The following NYAP2 variants were observed in gnomAD, a reference collection of about 807,000 sequenced individuals.
NYAP2 encodes the protein neuronal tyrosine-phosphorylated phosphoinositide-3-kinase adaptor 2, also known as neuronal tyrosine-phosphorylated phosphoinositide-3-kinase adapter 2.
A neutral mutation model predicts 50.4 loss-of-function variants in NYAP2; 23 were observed. That is an observed-to-expected ratio of 0.46 (90% CI 0.33 to 0.65). NYAP2 has a LOEUF of 0.65. Ranked by LOEUF, NYAP2 falls within the 30% of genes least tolerant of loss-of-function variation. The pLI, the probability that NYAP2 is intolerant of heterozygous loss-of-function variation, is 0.02. For missense variants in NYAP2, 885 were observed against 861.0 expected, an observed-to-expected ratio of 1.03 and a Z score of -0.35; for synonymous variants, 394 against 365.2, an observed-to-expected ratio of 1.08 and a Z score of -0.90.
At chr2:225,497,059 C>G (rs559063637) in intron 3 of NYAP2, among the ~76,000 whole-genome samples, 1 of 152,132 alleles carries the variant, frequency 6.6e-6, no homozygotes, top group South Asian at 2.1e-4. Flanking sequence ...GACGCTGACA[C>G]CCCTTAGGGC....
At chr2:225,425,556 CTT>C (rs765493687) in intron 3 of NYAP2, among the ~76,000 whole-genome samples, 1 of 152,136 alleles carries the variant, frequency 6.6e-6, no homozygotes, top group African/African-American at 2.4e-5. Context: ...GAATGGGAAA[CTT>C]AATGTGAAGG....
Position 225,518,544 on chromosome 2 carries a change from ATATATATATATATATATATATAT to A in NYAP2, c.523+4873_523+4895del, listed in dbSNP as rs1559202467. Among the ~76,000 whole-genome samples, 16 of 71,020 alleles carry A rather than the reference ATATATATATATATATATATATAT, an allele frequency of 2.3e-4. 1 individual carries two copies. Among genetic ancestry groups the A allele is most frequent in the South Asian group, 6.7e-4 (1 of 1,484 alleles). The allele number at this position is 71,020 out of a possible 152,430, so 46.6% of individuals were successfully genotyped here. A position where few individuals can be genotyped will look rare whatever the true frequency, so the allele number is the denominator to read the frequency against. On this transcript the variant is annotated intron_variant, in intron 4 of 6. Transcript: ENST00000636099. Reference sequence around the variant, plus strand: ...CTAATATATATATATATATATATATATATATATATATATATATATATATATTAGCGTGTGCGCTTATATATATA... The same window carrying A: ...CTAATATATATATATATATATATATAATTAGCGTGTGCGCTTATATATATA...
In NYAP2 at chr2:225,582,238, C is replaced by T. The variant is rs778879189; in HGVS notation, c.821C>T (p.Pro274Leu). 8 of 1,613,922 alleles carry T rather than the reference C, an allele frequency of 5.0e-6. No homozygotes were observed. Among genetic ancestry groups the T allele is most frequent in the Non-Finnish European group, 6.8e-6 (8 of 1,179,912 alleles). Residue 274 changes from proline (P) to leucine (L), a missense_variant, in exon 5 of 7, where the codon CCT becomes CTT. Coordinates refer to ENST00000636099, the Ensembl canonical transcript of NYAP2. This position sits in a 1 kb window ranked among gnomAD's most constrained non-coding sequence, Gnocchi z 7.0. ...GCCGTCTACGAGGAAATGAAGTACC[C>T]TATCTTTGACGACTTGGGCCAAGAC...
intron 4 of NYAP2, among the ~76,000 whole-genome samples, chr2:225,563,570 G>C (rs76209340): frequency 6.6e-6 from 1 of 152,062 alleles, no homozygotes; most frequent in Non-Finnish European, 1.5e-5. Flanking sequence ...GAATGGGTTC[G>C]TGACATGGTC....
At position 225,422,733 on chromosome 2, in the gene NYAP2, C is replaced by T. The variant is rs562799478; in HGVS notation, c.221+13632C>T. Among the ~76,000 whole-genome samples, 3 of 152,136 alleles carry T rather than the reference C, an allele frequency of 2.0e-5. No homozygotes were observed. In the South Asian group the frequency reaches 6.2e-4, roughly 32 times the overall value. On this transcript the variant is annotated intron_variant, in intron 3 of 6. Transcript: ENST00000636099. ...GGGCATCACTGTAGTGTAGAGATATCCTTCAGGTGGAAACTCTCAGGCACG... is the reference window on the plus strand; with the variant it reads ...GGGCATCACTGTAGTGTAGAGATATTCTTCAGGTGGAAACTCTCAGGCACG...
intron 3 of NYAP2, among the ~76,000 whole-genome samples, chr2:225,513,075 T>C (rs1206421377): frequency 6.6e-6 from 1 of 152,180 alleles, no homozygotes; most frequent in Non-Finnish European, 1.5e-5. Flanking sequence ...ATCTGAGTCA[T>C]AGTCATGGAA....
chr2:225,625,211 T>TTGCTA (rs1693189096), intron 5 of NYAP2, among the ~76,000 whole-genome samples: 1 of 152,150 alleles, frequency 6.6e-6, no homozygotes, highest in Non-Finnish European at 1.5e-5. Flanking sequence ...ATTAACATAC[T>TTGCTA]TGCTATCACT....
the NYAP2 span, among the ~76,000 whole-genome samples, chr2:225,694,934 G>C: frequency 1.3e-5 from 2 of 151,368 alleles, no homozygotes; most frequent in African/African-American, 4.8e-5. Context: ...TAAATATTAT[G>C]GAGTAAGTCT....
intron 4 of NYAP2, among the ~76,000 whole-genome samples, chr2:225,542,782 A>C (rs1691499491): frequency 6.6e-6 from 1 of 151,988 alleles, no homozygotes; most frequent in Non-Finnish European, 1.5e-5. Flanking sequence ...GGCCTCATTA[A>C]ATGGTTTTGG....
At chr2:225,527,691 A>G (rs1691177173) in intron 4 of NYAP2, among the ~76,000 whole-genome samples, 1 of 152,044 alleles carries the variant, frequency 6.6e-6, no homozygotes, top group Non-Finnish European at 1.5e-5. Flanking sequence ...TCTGTTGCGC[A>G]GGCTGGGGCA....
At chr2:225,601,153 T>A (rs1401724939) in intron 5 of NYAP2, among the ~76,000 whole-genome samples, 1 of 150,692 alleles carries the variant, frequency 6.6e-6, no homozygotes, top group Non-Finnish European at 1.5e-5. Context: ...AGATGGAGTC[T>A]TGCTGTCCCC....
At chr2:225,643,434 T>G (rs981152188) in intron 6 of NYAP2, among the ~76,000 whole-genome samples, 1 of 152,040 alleles carries the variant, frequency 6.6e-6, no homozygotes, top group Non-Finnish European at 1.5e-5. Context: ...TCCCTTATAA[T>G]CTTTTTTTTT....
the NYAP2 span, among the ~76,000 whole-genome samples, chr2:225,660,854 A>G: frequency 3.3e-5 from 5 of 152,184 alleles, no homozygotes; most frequent in Admixed American, 6.5e-5. Flanking sequence ...TCTAACTTTT[A>G]AATAGTATGC....
chr2:225,637,264 T>C (rs1052799225), intron 6 of NYAP2, among the ~76,000 whole-genome samples: 4 of 152,154 alleles, frequency 2.6e-5, no homozygotes, highest in Non-Finnish European at 4.4e-5. Flanking sequence ...GGAGTATGAG[T>C]TCTCCGTTAT....
Position 225,464,794 on chromosome 2 carries a change from G to A in NYAP2, c.222-48577G>A, listed in dbSNP as rs192582860. On this transcript the variant is annotated intron_variant, in intron 3 of 6. Coordinates refer to ENST00000636099, the Ensembl canonical transcript of NYAP2. ...GAACGTGAGCAATAGGCACAGATGT[G>A]CCCTCATTTTGCAAAGGGAAGAGAC... Among the ~76,000 whole-genome samples the A allele has an allele frequency of 1.5e-4, 23 of 152,300 alleles. 1 individual carries two copies. The highest frequency in any genetic ancestry group is 5.5e-4 in the African/African-American group (23 of 41,564).
rs573058894 is a variant in NYAP2 at position 225,440,549 on chromosome 2, C to T, written c.221+31448C>T. 9.2e-5 allele frequency among the ~76,000 whole-genome samples: 14 copies of T among 152,154 alleles called. No homozygotes were observed. The East Asian group carries it at 2.1e-3, about 23-fold the overall frequency. On this transcript the variant is annotated intron_variant, in intron 3 of 6. Transcript: ENST00000636099. ...AGCCTTCTGAATGTACGGAGGATTT[C>T]GTTAATGTAAAACATGGGTTAGAGA...
intron 3 of NYAP2, among the ~76,000 whole-genome samples, chr2:225,435,414 A>T (rs925898791): frequency 2.6e-5 from 4 of 152,218 alleles, no homozygotes; most frequent in Non-Finnish European, 5.9e-5. Context: ...TTGAGAGTCA[A>T]ATGATCTTTC....
intron 5 of NYAP2, among the ~76,000 whole-genome samples, chr2:225,611,181 CA>C (rs1692877228): frequency 6.6e-6 from 1 of 152,108 alleles, no homozygotes; most frequent in Non-Finnish European, 1.5e-5. Context: ...AATCAACCAT[CA>C]AAACCCCTAG....
chr2:225,415,414 A>G (rs1695106595), intron 3 of NYAP2, among the ~76,000 whole-genome samples: 1 of 152,160 alleles, frequency 6.6e-6, no homozygotes. Context: ...CAAGTTTTGA[A>G]TTGGTTAATA....
Sources: gnomAD v4.1 joint callset for allele counts (sites outside exome capture counted in the v4.1 genomes callset) on GRCh38, gnomAD v4.1.1 for gene constraint, Gnocchi (gnomAD v3.1) non-coding constraint, MANE v1.5 for transcripts, NCBI Gene and HGNC (gene_info 2026-07-23, HGNC 2026-07-21) for gene names.